RECK: variants seen among roughly 807,000 people sequenced by gnomAD.
RECK encodes the protein reversion-inducing cysteine-rich protein with Kazal motifs.
A neutral mutation model predicts 115.1 loss-of-function variants in RECK; 69 were observed. That is an observed-to-expected ratio of 0.60 (90% confidence interval 0.49 to 0.73). The LOEUF is 0.73. RECK is among the 30% of genes least tolerant of loss of function. The pLI is 0.00. For synonymous variants in RECK, 414 were observed against 419.7 expected, an observed-to-expected ratio of 0.99 and a Z score of 0.17; for missense variants, 1,047 against 1,203.7, an observed-to-expected ratio of 0.87 and a Z score of 1.93.
intron 1 of RECK, among the ~76,000 whole-genome samples, chr9:36,051,544 T>TA (rs1201473297): frequency 6.6e-6 from 1 of 152,206 alleles, no homozygotes; most frequent in Non-Finnish European, 1.5e-5. Flanking sequence ...TTCTTCAGTC[T>TA]AACTTGACTC....
At chr9:36,055,845 A>C (rs896242877) in intron 2 of RECK, among the ~76,000 whole-genome samples, 2 of 152,034 alleles carry the variant, frequency 1.3e-5, no homozygotes, top group African/African-American at 4.8e-5. Context: ...GGGAGATGGA[A>C]TTGCAGGAAG....
At chr9:36,105,916 T>C (rs1823785350) in intron 13 of RECK, among the ~76,000 whole-genome samples, 1 of 152,152 alleles carries the variant, frequency 6.6e-6, no homozygotes, top group African/African-American at 2.4e-5. Flanking sequence ...CATGTTAGAA[T>C]CAAGATTTTA....
chr9:36,120,977 C>G (rs1001198808), intron 19 of RECK, among the ~76,000 whole-genome samples: 4 of 152,234 alleles, frequency 2.6e-5, no homozygotes, highest in Non-Finnish European at 5.9e-5. Context: ...TCAGCGTGAG[C>G]CTTTCTTAGA....
At chr9:36,053,293 C>T (rs768024675) in intron 2 of RECK, among the ~76,000 whole-genome samples, 13 of 152,242 alleles carry the variant, frequency 8.5e-5, no homozygotes, top group Non-Finnish European at 1.6e-4. Context: ...TCATGTATGT[C>T]TAGCCTTAGC....
chr9:36,043,286 C>T lies in RECK; in HGVS notation c.100+6188C>T, dbSNP rs1380665544. ...CTCAATCTCCTGACCTCCTGATCCA[C>T]CCGCCTCGGCCTCCCAAAGTGCTGG... On this transcript the variant is annotated intron_variant, in intron 1 of 20. Coordinates refer to ENST00000377966, the MANE Select transcript of RECK (RefSeq NM_021111.3). Among the ~76,000 whole-genome samples the T allele has an allele frequency of 3.3e-5, 5 of 149,404 alleles. No homozygotes were observed. The Admixed American group carries it at 3.4e-4, about 10-fold the overall frequency.
chr9:36,119,004 G>C (rs376230088), intron 18 of RECK, 37 bp downstream of exon 18: 23 of 1,586,000 alleles, frequency 1.5e-5, no homozygotes, highest in Non-Finnish European at 1.8e-5. Context: ...GGGGAGGACT[G>C]AGAAGATTTG....
intron 12 of RECK, 115 bp from the exon 13 acceptor site, chr9:36,105,028 C>A: frequency 2.7e-6 from 2 of 728,212 alleles, no homozygotes; most frequent in South Asian, 2.1e-5. Context: ...TAGAATCAGG[C>A]CTTACTTTAC....
intron 6 of RECK, among the ~76,000 whole-genome samples, chr9:36,069,017 G>A (rs1001810303): frequency 1.3e-5 from 2 of 152,064 alleles, no homozygotes; most frequent in African/African-American, 4.8e-5. Context: ...TGGAGGAATT[G>A]ATCTTGTATT....
chr9:36,049,130 T>C (rs1246313101), intron 1 of RECK, among the ~76,000 whole-genome samples: 13 of 152,172 alleles, frequency 8.5e-5, no homozygotes, highest in Admixed American at 8.5e-4. Context: ...ATGCAGAGCT[T>C]CTATGTCCTC....
At chr9:36,046,819 T>G (rs1287431181) in intron 1 of RECK, among the ~76,000 whole-genome samples, 2 of 152,204 alleles carry the variant, frequency 1.3e-5, no homozygotes, top group Non-Finnish European at 2.9e-5. Context: ...AAAAAAGAAT[T>G]ATTTTAAAAA....
intron 15 of RECK, among the ~76,000 whole-genome samples, chr9:36,111,543 C>T (rs948796359): frequency 3.3e-5 from 5 of 152,090 alleles, no homozygotes; most frequent in South Asian, 2.1e-4. Context: ...GACAGGCATG[C>T]GCCACCATGC....
intron 2 of RECK, among the ~76,000 whole-genome samples, chr9:36,054,462 G>A (rs1201656214): frequency 7.1e-6 from 1 of 140,032 alleles, no homozygotes; most frequent in Non-Finnish European, 1.5e-5. Flanking sequence ...CCAAAGAAAA[G>A]TCAAGGAGTT....
Position 36,037,016 on chromosome 9 carries a change from C to T in RECK, c.18C>T (p.Ala6=). MATVR[A]SLRGALLLLL... Reference sequence around the variant, plus strand: ...GCCCGGACATGGCGACCGTCCGGGCCTCTCTGCGAGGTGCGCTGCTCCTTC... The same window carrying T: ...GCCCGGACATGGCGACCGTCCGGGCTTCTCTGCGAGGTGCGCTGCTCCTTC... The change falls in exon 1 of 21, where the codon GCC becomes GCT. Residue 6 remains alanine (A), a synonymous_variant. Transcript: ENST00000377966. 1.4e-6 allele frequency: 2 copies of T among 1,435,166 alleles called. No homozygotes were observed. Among genetic ancestry groups the T allele is most frequent in the South Asian group, 1.4e-5 (1 of 71,678 alleles). 88.9% of individuals were successfully genotyped at this position (1,435,166 alleles called of 1,614,324 possible).
At chr9:36,052,361 A>T (rs757099762) in intron 2 of RECK, 38 bp downstream of exon 2, 1 of 1,473,554 alleles carries the variant, frequency 6.8e-7, no homozygotes, top group Non-Finnish European at 9.5e-7. Context: ...AGCCAGACAC[A>T]GTGGTTCATG....
At position 36,100,314 on chromosome 9, in the gene RECK, G is replaced by A; in HGVS notation, c.1086-17G>A. 6.2e-7 allele frequency: 1 copy of A among 1,602,102 alleles called. No individual in the cohort carries two copies. On this transcript the variant is annotated splice_polypyrimidine_tract_variant and intron_variant, in intron 10 of 20. Transcript: ENST00000377966. The stretch of plus-strand genomic sequence containing the variant: ...AATAATTGCCTCTTGATTCTTTCTG[G>A]CCTTTTTTCTCTTTAGGCCAACAGA...
intron 13 of RECK, among the ~76,000 whole-genome samples, 178 bp downstream of exon 13, chr9:36,105,461 C>T (rs907723208): frequency 6.6e-6 from 1 of 152,020 alleles, no homozygotes; most frequent in Non-Finnish European, 1.5e-5. Context: ...TTGAGATTTT[C>T]TCATTAAACA....
In RECK at chr9:36,052,334, A is replaced by T; in HGVS notation, c.159+11A>T. ...GATGTATGTGAACAGGTAAGATTAC[A>T]TAATAATTACAGAGGCAGCCAGACA... On this transcript the variant is annotated intron_variant, in intron 2 of 20. Transcript: ENST00000377966. The T allele has an allele frequency of 6.3e-7, 1 of 1,595,524 alleles. No homozygotes were observed. The highest frequency in any genetic ancestry group is 1.1e-5 in the South Asian group (1 of 90,646).
intron 13 of RECK, among the ~76,000 whole-genome samples, chr9:36,107,569 C>T (rs1489652641): frequency 6.8e-6 from 1 of 146,126 alleles, no homozygotes; most frequent in Non-Finnish European, 1.5e-5. Context: ...CGTGCCACTA[C>T]ACTCCAGCCT....
intron 1 of RECK, among the ~76,000 whole-genome samples, chr9:36,045,477 C>T (rs1361787956): frequency 6.6e-6 from 1 of 151,740 alleles, no homozygotes; most frequent in East Asian, 1.9e-4. Flanking sequence ...GTGTGTAATA[C>T]ACACTCAATG....
Sources: allele counts gnomAD v4.1 joint callset (sites outside exome capture counted in the v4.1 genomes callset), GRCh38; gene constraint gnomAD v4.1.1; transcripts MANE v1.5; gene names NCBI Gene and HGNC (gene_info 2026-07-23, HGNC 2026-07-21).